Variants in BCHE observed in about 807,000 individuals in gnomAD.
BCHE encodes the protein butyrylcholinesterase, also known as cholinesterase.
Under a neutral mutation model 51.3 loss-of-function variants are expected in BCHE, and 48 were observed. That is an observed-to-expected ratio of 0.94 (90% CI 0.74 to 1.19). The LOEUF (loss-of-function observed/expected upper bound fraction) is 1.19, where lower values mean the gene tolerates loss of function less well. BCHE is among the 50% of genes most tolerant of loss of function. The pLI is 0.00. For synonymous variants in BCHE, 251 were observed against 238.0 expected (o/e 1.05, Z -0.50); for missense variants, 847 against 708.2 (o/e 1.20, Z -2.23).
intron 1 of BCHE, among the ~76,000 whole-genome samples, chr3:165,832,387 G>A (rs1715022480): frequency 6.6e-6 from 1 of 151,946 alleles, no homozygotes; most frequent in African/African-American, 2.4e-5. Context: ...CTGCCTCCTG[G>A]GCTCAAGTGA....
intron 2 of BCHE, among the ~76,000 whole-genome samples, chr3:165,801,492 G>A (rs555064804): frequency 6.6e-6 from 1 of 151,778 alleles, no homozygotes; most frequent in South Asian, 2.1e-4. Flanking sequence ...TTTGTTTTTT[G>A]CATTTTATAT....
intron 2 of BCHE, among the ~76,000 whole-genome samples, chr3:165,811,219 A>T (rs1714079903): frequency 6.6e-6 from 1 of 152,104 alleles, no homozygotes; most frequent in South Asian, 2.1e-4. Flanking sequence ...TGAGGATTAG[A>T]CCGCTCCATT....
chr3:165,791,275 A>G (rs558061727), intron 2 of BCHE, among the ~76,000 whole-genome samples: 1 of 152,038 alleles, frequency 6.6e-6, no homozygotes, highest in African/African-American at 2.4e-5. Flanking sequence ...AGACTGGGTG[A>G]CAGAGCAAGA....
intron 2 of BCHE, among the ~76,000 whole-genome samples, chr3:165,787,406 G>T (rs950408039): frequency 6.6e-6 from 1 of 151,540 alleles, no homozygotes; most frequent in African/African-American, 2.4e-5. Flanking sequence ...TTTCCTCAGG[G>T]AATTTATAAG....
chr3:165,804,674 G>A (rs1713806955), intron 2 of BCHE, among the ~76,000 whole-genome samples: 2 of 152,170 alleles, frequency 1.3e-5, no homozygotes, highest in African/African-American at 4.8e-5. Context: ...AGCTGTGCAA[G>A]TAGAGAAGAA....
intron 2 of BCHE, among the ~76,000 whole-genome samples, chr3:165,809,619 A>ATGTATTAAGGCAAAT: frequency 6.6e-6 from 1 of 151,660 alleles, no homozygotes; most frequent in East Asian, 1.9e-4. Context: ...ATTAAGGCAA[A>ATGTATTAAGGCAAAT]TGTATTAAGG....
At chr3:165,795,184 T>A (rs935172021) in intron 2 of BCHE, among the ~76,000 whole-genome samples, 3 of 152,196 alleles carry the variant, frequency 2.0e-5, no homozygotes, top group Non-Finnish European at 4.4e-5. Flanking sequence ...CTTCTAAAAC[T>A]CACATTGAAA....
intron 2 of BCHE, among the ~76,000 whole-genome samples, chr3:165,803,735 T>C (rs1235307929): frequency 6.6e-6 from 1 of 151,996 alleles, no homozygotes; most frequent in Non-Finnish European, 1.5e-5. Flanking sequence ...ATAATGAAGT[T>C]TTTTTTTAAC....
At chr3:165,812,499 C>G (rs898560776) in intron 2 of BCHE, among the ~76,000 whole-genome samples, 12 of 151,958 alleles carry the variant, frequency 7.9e-5, no homozygotes, top group Admixed American at 5.3e-4. Flanking sequence ...TGGAGTGTTC[C>G]ATGCTTAAAC....
chr3:165,810,829 T>C (rs998723054), intron 2 of BCHE, among the ~76,000 whole-genome samples: 2 of 152,124 alleles, frequency 1.3e-5, no homozygotes, highest in Non-Finnish European at 2.9e-5. Flanking sequence ...GAAGAACTGG[T>C]GTGGTGCTTT....
In BCHE at chr3:165,830,295, T is replaced by C; in HGVS notation, c.739A>G (p.Arg247Gly). 6.2e-7 allele frequency: 1 copy of C among 1,614,022 alleles called. No individual in the cohort carries two copies. ...AAGGATCCACTTTGCAGAATGGCTC[T>C]GGTGAACAATGAATGGCTTCCAGGA... ...LSPGSHSLFT[R>G]AILQSGSFNA... The change falls in exon 2 of 4, where the codon AGA becomes GGA. Residue 247 changes from arginine to glycine, a missense_variant. Coordinates refer to ENST00000264381, the MANE Select transcript of BCHE (RefSeq NM_000055.4).
intron 2 of BCHE, among the ~76,000 whole-genome samples, chr3:165,803,183 T>C (rs1449286801): frequency 6.6e-6 from 1 of 152,226 alleles, no homozygotes; most frequent in African/African-American, 2.4e-5. Context: ...AAGTATTCAT[T>C]GACTACCTAA....
At chr3:165,800,559 G>C (rs1392760009) in intron 2 of BCHE, among the ~76,000 whole-genome samples, 1 of 151,772 alleles carries the variant, frequency 6.6e-6, no homozygotes, top group Non-Finnish European at 1.5e-5. Context: ...AATTTTAATT[G>C]TACTTGACAC....
chr3:165,773,461 C>G lies in BCHE; in HGVS notation c.1730G>C (p.Arg577Pro). The G allele has an allele frequency of 6.2e-7, 1 of 1,608,450 alleles. No homozygotes were observed. Among genetic ancestry groups the G allele is most frequent in the Admixed American group, 1.7e-5 (1 of 59,914 alleles). ...CCAGTCCATCATGTAATTGTTCCAG[C>G]GATGGAATCCTGCTTTCCACTCCCA... ...AEWEWKAGFH[R>P]WNNYMMDWKN... is the part of the protein sequence containing the mutation. Residue 577 changes from arginine to proline, a missense_variant, in exon 4 of 4, where the codon CGC (arginine) becomes CCC (proline). Arg to Pro is a moderately radical substitution (Grantham distance 103). Coordinates refer to ENST00000264381, the MANE Select transcript of BCHE (RefSeq NM_000055.4).
chr3:165,775,936 C>T (rs2668207), intron 3 of BCHE, among the ~76,000 whole-genome samples: 78,110 of 151,642 alleles, frequency 0.52, 23,648 homozygotes, highest in East Asian at 0.66. Flanking sequence ...TTTCTTAGTC[C>T]GCCTCTCTTT....
At chr3:165,799,058 A>T (rs1159157302) in intron 2 of BCHE, among the ~76,000 whole-genome samples, 2 of 152,170 alleles carry the variant, frequency 1.3e-5, no homozygotes, top group Admixed American at 1.3e-4. Flanking sequence ...TTCAAAACAT[A>T]TCTATATCAT....
intron 3 of BCHE, among the ~76,000 whole-genome samples, chr3:165,783,670 G>A (rs963613610): frequency 1.3e-5 from 2 of 151,964 alleles, no homozygotes; most frequent in Admixed American, 1.3e-4. Context: ...TCTTCATTAG[G>A]ATAATATGAA....
At chr3:165,811,891 A>T (rs1714111484) in intron 2 of BCHE, among the ~76,000 whole-genome samples, 1 of 151,974 alleles carries the variant, frequency 6.6e-6, no homozygotes, top group South Asian at 2.1e-4. Context: ...TGTCAGAAAG[A>T]CTTGGATACA....
chr3:165,829,582 G>C lies in BCHE; in HGVS notation c.1452C>G (p.Tyr484Ter). Reference protein sequence around the residue: ...FGLPLERRDNYTKAEEILSRS... With the variant: ...FGLPLERRDN Reference sequence around the variant, plus strand: ...TACTCAAAATTTCCTCGGCTTTTGTGTAATTATCTCTTCTTTCCAGAGGTA... The same window carrying C: ...TACTCAAAATTTCCTCGGCTTTTGTCTAATTATCTCTTCTTTCCAGAGGTA... The change falls in exon 2 of 4, where the codon TAC (tyrosine) becomes TAG (stop). Residue 484 changes from tyrosine to a stop codon, truncating the protein, a stop_gained. Transcript: ENST00000264381. LOFTEE classifies it high-confidence loss of function. 6.2e-7 allele frequency: 1 copy of C among 1,613,746 alleles called. No individual in the cohort carries two copies. Among genetic ancestry groups the C allele is most frequent in the South Asian group, 1.1e-5 (1 of 91,078 alleles).
Sources: allele counts gnomAD v4.1 joint callset (sites outside exome capture counted in the v4.1 genomes callset), GRCh38; gene constraint gnomAD v4.1.1; transcripts MANE v1.5; gene names NCBI Gene and HGNC (gene_info 2026-07-23, HGNC 2026-07-21).